Variants in IDS observed in about 807,000 individuals in gnomAD.
The protein encoded by IDS is alpha-L-iduronate sulfate sulfatase.
In IDS, 1 loss-of-function variant was observed where a neutral mutation model predicts 33.5. The observed-to-expected ratio is 0.03, with a 90% CI of 0.01 to 0.14. The LOEUF is 0.14. Among genes scored for constraint, IDS ranks in the 10% least tolerant of loss-of-function variants. IDS has a pLI of 1.00. For missense variants in IDS, 328 were observed against 448.0 expected, an observed-to-expected ratio of 0.73 and a Z score of 2.42; for synonymous variants, 191 against 184.4, an observed-to-expected ratio of 1.04 and a Z score of -0.29.
At chrX:149,504,924 G>A (rs2089512314) in intron 1 of IDS, 111 bp downstream of exon 1, 1 of 557,583 alleles carries the variant, frequency 1.8e-6, no homozygotes, top group Non-Finnish European at 3.0e-6. Context: ...AATGGTAGGA[G>A]AGAGGAAGGG....
At chrX:149,496,745 A>G (rs1159937521) in intron 5 of IDS, among the ~76,000 whole-genome samples, 1 of 111,832 alleles carries the variant, frequency 8.9e-6, no homozygotes, top group Non-Finnish European at 1.9e-5. Context: ...CTACAAACTG[A>G]GCAGCAACAA....
rs782166680 is a variant in IDS, at chrX:149,482,795, A to G, written c.1604T>C (p.Met535Thr). The change falls in exon 9 of 9, where the codon ATG becomes ACG. Residue 535 changes from methionine to threonine, a missense_variant. Around this residue, in one of 4 missense-constraint regions of IDS, gnomAD observed 265 missense variants for 339.2 expected, o/e 0.78. Transcript: ENST00000340855. ...VDSDPLQDHN[M>T]YNDSQGGDLF... is the part of the protein sequence containing the mutation. ...ATCTCCACCTTGGGAATCATTATAC[A>G]TATTGTGATCCTGCAATGGGTCAGA... 3 of 1,212,124 alleles carry G rather than the reference A, an allele frequency of 2.5e-6. No individual in the cohort carries two copies. Among genetic ancestry groups the G allele is most frequent in the East Asian group, 5.9e-5 (2 of 33,864 alleles).
chrX:149,503,358 C>T lies in IDS; in HGVS notation c.372G>A (p.Lys124=). Reference sequence around the variant, plus strand: ...CCGACATGGTCACATAGCCATTCTCCTTGAAGTACTGGGGGATGGTGGAGA... The same window carrying T: ...CCGACATGGTCACATAGCCATTCTCTTTGAAGTACTGGGGGATGGTGGAGA... The part of the protein sequence containing the change: ...GNFSTIPQYF[K]ENGYVTMSVG... Residue 124 remains lysine (K), a synonymous_variant, in exon 3 of 9, where the codon AAG becomes AAA. Transcript: ENST00000340855. The T allele has an allele frequency of 8.3e-7, 1 of 1,200,744 alleles. No individual in the cohort carries two copies. Among genetic ancestry groups the T allele is most frequent in the East Asian group, 3.0e-5 (1 of 33,436 alleles).
chrX:149,490,277 G>A, intron 7 of IDS, 37 bp downstream of exon 7: 1 of 1,198,714 alleles, frequency 8.3e-7, no homozygotes, highest in Non-Finnish European at 1.1e-6. Flanking sequence ...GGAAAGTTCA[G>A]ATGTTTTGAC....
At chrX:149,502,074 C>A in intron 3 of IDS, 1 of 328,899 alleles carries the variant, frequency 3.0e-6, no homozygotes, top group Non-Finnish European at 5.9e-6. Context: ...ACGGTACATA[C>A]CTGGCACACA....
rs2089289401 is a variant in IDS at position 149,480,404 on chromosome X, G to A, written c.*2342C>T. ...TCACCTCCAGATAAGTCTTTGTGGG[G>A]CAAATGCAGGATAAAGAAACAGCTC... On this transcript the variant is annotated 3_prime_UTR_variant, in exon 9 of 9. Coordinates refer to ENST00000340855, the MANE Select transcript of IDS (RefSeq NM_000202.8). 3 of 297,436 alleles carry A rather than the reference G, an allele frequency of 1.0e-5. No homozygotes were observed. Among genetic ancestry groups the A allele is most frequent in the Non-Finnish European group, 1.8e-5 (3 of 170,279 alleles). 24.5% of individuals were successfully genotyped at this position (297,436 alleles called of 1,213,427 possible).
At chrX:149,500,509 A>C (rs2124053742) in intron 4 of IDS, among the ~76,000 whole-genome samples, 1 of 112,364 alleles carries the variant, frequency 8.9e-6, no homozygotes, top group Non-Finnish European at 1.9e-5. Flanking sequence ...TAATGCTCTA[A>C]AAATTCAAAA....
chrX:149,493,480 C>T (rs1569560465), intron 6 of IDS, among the ~76,000 whole-genome samples: 1 of 111,830 alleles, frequency 8.9e-6, no homozygotes, highest in African/African-American at 3.3e-5. Flanking sequence ...AGTGTGCACT[C>T]GCTCTGCCTT....
At chrX:149,488,816 C>T (rs2089363849) in intron 7 of IDS, among the ~76,000 whole-genome samples, 1 of 111,701 alleles carries the variant, frequency 9.0e-6, no homozygotes, top group Non-Finnish European at 1.9e-5. Flanking sequence ...TCAGGAGGAA[C>T]AAGCCCGATG....
chrX:149,490,177 A>C (rs1602734266), intron 7 of IDS, 137 bp downstream of exon 7: 4 of 502,821 alleles, frequency 8.0e-6, no homozygotes, highest in Admixed American at 2.7e-5. Flanking sequence ...AAAATGCCCC[A>C]GGATCCCACT....
chrX:149,497,951 T>C (rs1322611533), intron 5 of IDS, among the ~76,000 whole-genome samples, 156 bp downstream of exon 5: 2 of 112,314 alleles, frequency 1.8e-5, no homozygotes, highest in Non-Finnish European at 3.8e-5. Context: ...GACCTCTAAA[T>C]CCCATCTTTA....
rs2089519452 is a variant in IDS at position 149,505,272 on chromosome X, GGCCCGCAGGCCC to G, written c.-147_-136del. ...GACTGCGCAACACAGCCGCCGCCCG[GGCCCGCAGGCCC>G]GGGCGCTGGCCGCAGCGCGAGTGCG... On this transcript the variant is annotated 5_prime_UTR_variant, in exon 1 of 9. Coordinates refer to ENST00000340855, the MANE Select transcript of IDS (RefSeq NM_000202.8). 3.0e-6 allele frequency: 1 copy of G among 333,656 alleles called. No individual in the cohort carries two copies. Among genetic ancestry groups the G allele is most frequent in the African/African-American group, 2.7e-5 (1 of 36,768 alleles). The allele number at this position is 333,656 out of a possible 1,213,427, so 27.5% of individuals were successfully genotyped here.
chrX:149,484,810 A>G lies in IDS; in HGVS notation c.1181-1592T>C, dbSNP rs782725527. Among the ~76,000 whole-genome samples the G allele has an allele frequency of 6.2e-5, 7 of 112,517 alleles. No individual in the cohort carries two copies. The Admixed American group carries it at 6.6e-4, about 11-fold the overall frequency. ...TTAAGACAGTGCTTTATCATGCTTG[A>G]TTTCATTTTCTAGACACTTAATTTT... On this transcript the variant is annotated intron_variant, in intron 8 of 8. Coordinates refer to ENST00000340855, the MANE Select transcript of IDS (RefSeq NM_000202.8).
intron 6 of IDS, among the ~76,000 whole-genome samples, chrX:149,490,793 G>A (rs1173679773): frequency 9.0e-6 from 1 of 110,961 alleles, no homozygotes; most frequent in African/African-American, 3.4e-5. Context: ...AAGGTGCTGG[G>A]AGGGCCATTC....
Position 149,496,447 on chromosome X carries a change from G to A in IDS, c.778C>T (p.Pro260Ser). ...APDPEVPDGL[P>S]PVAYNPWMDI... ...ATCCAGGGGTTGTAGGCCACAGGGG[G>A]TAGGCCATCAGGGACCTCGGGATCG... is the stretch of plus-strand genomic sequence containing the variant. Residue 260 changes from proline to serine, a missense_variant, in exon 6 of 9, where the codon CCC (proline) becomes TCC (serine). By Grantham distance (74) the Pro-to-Ser change is moderately conservative. Coordinates refer to ENST00000340855, the MANE Select transcript of IDS (RefSeq NM_000202.8). 1 of 1,209,485 alleles carries A rather than the reference G, an allele frequency of 8.3e-7. No homozygotes were observed. Among genetic ancestry groups the A allele is most frequent in the Non-Finnish European group, 1.1e-6 (1 of 893,420 alleles).
In IDS at chrX:149,483,007, G is replaced by A. The variant is rs781951068; in HGVS notation, c.1392C>T (p.Ser464=). ...GGATGTCTGAAGGCCGGGGATACTG[G>A]CTATAGGCAATCAGTTCACGGGGAT... is the stretch of plus-strand genomic sequence containing the variant. ...PGNPRELIAY[S]QYPRPSDIPQ... is the part of the protein sequence containing the mutation. The change falls in exon 9 of 9, where the codon AGC becomes AGT. Residue 464 remains serine (S), a synonymous_variant. Transcript: ENST00000340855. 1 of 1,210,389 alleles carries A rather than the reference G, an allele frequency of 8.3e-7. No individual in the cohort carries two copies. Among genetic ancestry groups the A allele is most frequent in the South Asian group, 1.8e-5 (1 of 56,961 alleles).
At chrX:149,500,873 A>G in intron 4 of IDS, 76 bp downstream of exon 4, 1 of 643,444 alleles carries the variant, frequency 1.6e-6, no homozygotes, top group Non-Finnish European at 2.6e-6. Flanking sequence ...TTCACAGAAC[A>G]TGCAGTATAC....
chrX:149,484,341 G>A (rs782393346), intron 8 of IDS, among the ~76,000 whole-genome samples: 1 of 111,699 alleles, frequency 9.0e-6, no homozygotes, highest in East Asian at 2.8e-4. Context: ...TTTTTTAGAC[G>A]GGGTCTAGCC....
chrX:149,500,489 CT>C (rs1380393810), intron 4 of IDS, among the ~76,000 whole-genome samples: 1 of 112,324 alleles, frequency 8.9e-6, no homozygotes, highest in Non-Finnish European at 1.9e-5. Context: ...TTGTAGGTTA[CT>C]TTTTTTCATA....
Sources: gnomAD v4.1 joint callset for allele counts (sites outside exome capture counted in the v4.1 genomes callset) on GRCh38, gnomAD v4.1.1 for gene constraint, gnomAD v4.1.1 regional missense constraint, MANE v1.5 for transcripts, NCBI Gene and HGNC (gene_info 2026-07-23, HGNC 2026-07-21) for gene names.